ACSM6: variants seen among roughly 807,000 people sequenced by gnomAD.
ACSM6 encodes acyl-CoA synthetase medium chain family member 6.
ACSM6 carries 35 observed loss-of-function variants against 51.1 expected under a neutral mutation model. That is an observed-to-expected ratio of 0.69 (90% CI 0.52 to 0.91). ACSM6 has a LOEUF of 0.91. Among genes scored for constraint, ACSM6 ranks in the 40% least tolerant of loss-of-function variants. ACSM6 has a pLI of 0.00. For synonymous variants in ACSM6, 172 were observed against 207.3 expected, an observed-to-expected ratio of 0.83 and a Z score of 1.46; for missense variants, 509 against 584.1, an observed-to-expected ratio of 0.87 and a Z score of 1.32.
chr10:95,222,600 G>T (rs570993336), intron 9 of ACSM6, among the ~76,000 whole-genome samples: 1 of 151,050 alleles, frequency 6.6e-6, no homozygotes, highest in African/African-American at 2.4e-5. Context: ...TCCAGCCTGG[G>T]TGACACAGCA....
chr10:95,214,795 C>G, intron 7 of ACSM6, 57 bp from the exon 8 acceptor site: 4 of 1,521,320 alleles, frequency 2.6e-6, no homozygotes, highest in Non-Finnish European at 3.5e-6. Context: ...TTCTAACAGA[C>G]CTGTTATTGG....
Position 95,211,815 on chromosome 10 carries a change from G to C in ACSM6, c.756-63G>C, listed in dbSNP as rs977356289. The C allele has an allele frequency of 1.2e-5, 18 of 1,455,582 alleles. No homozygotes were observed. The Admixed American group carries it at 3.9e-4, about 31-fold the overall frequency. The allele number at this position is 1,455,582 out of a possible 1,614,324, so 90.2% of individuals were successfully genotyped here. On this transcript the variant is annotated intron_variant, in intron 5 of 10. Coordinates refer to ENST00000341686, the Ensembl canonical transcript of ACSM6. ...ACAGGTCAGGGCTTGATAATAGCAA[G>C]TATTATTGTTGTTGCTAGTACCAGC...
intron 7 of ACSM6, 93 bp downstream of exon 7, chr10:95,213,033 T>G: frequency 2.9e-6 from 3 of 1,045,492 alleles, no homozygotes; most frequent in Non-Finnish European, 4.4e-6. Context: ...AGATCCAATC[T>G]TACCCTCCGG....
chr10:95,221,100 T>C (rs746951218), intron 9 of ACSM6, among the ~76,000 whole-genome samples: 6 of 151,730 alleles, frequency 4.0e-5, no homozygotes, highest in Non-Finnish European at 7.4e-5. Flanking sequence ...ATGAAATAAA[T>C]GAAATTGAAA....
intron 9 of ACSM6, 27 bp downstream of exon 9, chr10:95,219,998 C>T: frequency 6.5e-7 from 1 of 1,536,674 alleles, no homozygotes; most frequent in Non-Finnish European, 9.0e-7. Context: ...ATGATTATGA[C>T]AGATATTATT....
At chr10:95,197,795 G>C (rs2133369084) in intron 2 of ACSM6, among the ~76,000 whole-genome samples, 1 of 152,338 alleles carries the variant, frequency 6.6e-6, no homozygotes, top group East Asian at 1.9e-4. Context: ...CTGGGGGACA[G>C]TCAGGTCTTT....
At chr10:95,202,288 T>A (rs1200518606) in intron 3 of ACSM6, 93 bp downstream of exon 3, 5 of 1,131,972 alleles carry the variant, frequency 4.4e-6, no homozygotes, top group Non-Finnish European at 6.5e-6. Flanking sequence ...GGGATCTCTA[T>A]CTGATGCCTG....
At chr10:95,206,946 C>T (rs926449393) in intron 3 of ACSM6, among the ~76,000 whole-genome samples, 1 of 152,158 alleles carries the variant, frequency 6.6e-6, no homozygotes, top group African/African-American at 2.4e-5. Context: ...TGGTCTGACA[C>T]TTAGCCATAT....
Position 95,202,030 on chromosome 10 carries a change from A to T in ACSM6, c.238A>T (p.Lys80Ter). The T allele has an allele frequency of 6.4e-7, 1 of 1,551,772 alleles. No individual in the cohort carries two copies. Among genetic ancestry groups the T allele is most frequent in the South Asian group, 1.2e-5 (1 of 84,058 alleles). Residue 80 changes from lysine (K) to a stop codon, truncating the protein, a stop_gained, in exon 3 of 11, where the codon AAA (lysine) becomes TAA (stop). Transcript: ENST00000341686. LOFTEE classifies it high-confidence loss of function. ...CCCCGCCCTCTGGAAGGTTAGTGCCAAAGGAGAAGAGGACAAATGGAGCTT... is the reference window on the plus strand; with the variant it reads ...CCCCGCCCTCTGGAAGGTTAGTGCCTAAGGAGAAGAGGACAAATGGAGCTT...
At chr10:95,221,139 A>G (rs537628629) in intron 9 of ACSM6, among the ~76,000 whole-genome samples, 2 of 152,196 alleles carry the variant, frequency 1.3e-5, no homozygotes, top group African/African-American at 2.4e-5. Context: ...ATTTTCTTAG[A>G]AAAAAAATCT....
intron 5 of ACSM6, among the ~76,000 whole-genome samples, chr10:95,211,094 A>G (rs1466273543): frequency 6.6e-6 from 1 of 152,230 alleles, no homozygotes; most frequent in Non-Finnish European, 1.5e-5. Context: ...CTATGCTACC[A>G]GCACCAGGGT....
intron 3 of ACSM6, among the ~76,000 whole-genome samples, chr10:95,205,518 T>C (rs539514829): frequency 2.0e-5 from 3 of 152,134 alleles, no homozygotes; most frequent in Admixed American, 6.6e-5. Flanking sequence ...CATGATCTGA[T>C]CACCTTTCAA....
chr10:95,202,036 GA>G lies in ACSM6; in HGVS notation c.246del (p.Glu83ArgfsTer9), dbSNP rs201108997. The G allele has an allele frequency of 4.0e-4, 613 of 1,551,808 alleles. 4 individuals carry two copies. In the East Asian group the frequency reaches 0.013, roughly 32 times the overall value. On this transcript the variant is annotated frameshift_variant, in exon 3 of 11. Coordinates refer to ENST00000341686, the Ensembl canonical transcript of ACSM6. LOFTEE classifies it high-confidence loss of function. ...CCTCTGGAAGGTTAGTGCCAAAGGA[GA>G]AGAGGACAAATGGAGCTTTGAAAGG...
intron 2 of ACSM6, among the ~76,000 whole-genome samples, chr10:95,198,956 T>C (rs996042427): frequency 3.3e-5 from 5 of 152,148 alleles, no homozygotes; most frequent in Admixed American, 2.0e-4. Flanking sequence ...CAATACCATC[T>C]CCATCAAGCT....
intron 8 of ACSM6, 124 bp downstream of exon 8, chr10:95,215,099 G>A: frequency 8.4e-7 from 1 of 1,195,280 alleles, no homozygotes. Context: ...ACAGGAAGAG[G>A]AAATGGCTTA....
chr10:95,227,353 T>C (rs2133397570), intron 10 of ACSM6, among the ~76,000 whole-genome samples: 1 of 152,322 alleles, frequency 6.6e-6, no homozygotes, highest in African/African-American at 2.4e-5. Context: ...ATACCTGCTA[T>C]TGTTGAAAAT....
intron 2 of ACSM6, among the ~76,000 whole-genome samples, chr10:95,197,940 G>T (rs868192032): frequency 1.3e-5 from 2 of 152,232 alleles, no homozygotes; most frequent in African/African-American, 4.8e-5. Flanking sequence ...AGAGAATGGC[G>T]ATGACTTTTA....
In ACSM6 at chr10:95,211,876, A is replaced by T; in HGVS notation, c.756-2A>T. ...TCAAATGGCTTTCCTCTTTCTCTTTAGACGGTGGATGGATCTCCAGCCAAC... is the reference window on the plus strand; with the variant it reads ...TCAAATGGCTTTCCTCTTTCTCTTTTGACGGTGGATGGATCTCCAGCCAAC... On this transcript the variant is annotated splice_acceptor_variant, in intron 5 of 10. Coordinates refer to ENST00000341686, the Ensembl canonical transcript of ACSM6. LOFTEE classifies it high-confidence loss of function. 1 of 1,596,024 alleles carries T rather than the reference A, an allele frequency of 6.3e-7. No individual in the cohort carries two copies. Among genetic ancestry groups the T allele is most frequent in the African/African-American group, 1.3e-5 (1 of 74,266 alleles).
At chr10:95,217,176 G>A (rs1430147404) in intron 8 of ACSM6, among the ~76,000 whole-genome samples, 2 of 149,238 alleles carry the variant, frequency 1.3e-5, no homozygotes, top group Non-Finnish European at 2.9e-5. Flanking sequence ...GTGAAACCCT[G>A]TATTTACTAA....
Sources: gnomAD v4.1 joint callset for allele counts (sites outside exome capture counted in the v4.1 genomes callset) on GRCh38, gnomAD v4.1.1 for gene constraint, MANE v1.5 for transcripts, NCBI Gene and HGNC (gene_info 2026-07-23, HGNC 2026-07-21) for gene names.